AUTS2: variants seen among roughly 807,000 people sequenced by gnomAD.
AUTS2 encodes the protein autism susceptibility gene 2 protein.
A neutral mutation model predicts 112.4 loss-of-function variants in AUTS2; 17 were observed. That is an observed-to-expected ratio of 0.15 (90% CI 0.10 to 0.23). The LOEUF is 0.23. Ranked by LOEUF, AUTS2 falls within the 10% of genes least tolerant of loss-of-function variation. AUTS2 has a pLI of 1.00. For synonymous variants in AUTS2, 751 were observed against 702.7 expected (o/e 1.07, Z -1.09); for missense variants, 1,510 against 1,701.6 (o/e 0.89, Z 1.98).
intron 4 of AUTS2, among the ~76,000 whole-genome samples, chr7:70,230,401 C>T (rs1811985399): frequency 6.6e-6 from 1 of 152,168 alleles, no homozygotes; most frequent in Admixed American, 6.5e-5. Context: ...GCCTAGCTTT[C>T]TAGGGACCAC....
At chr7:70,098,648 A>T (rs912627923) in intron 2 of AUTS2, among the ~76,000 whole-genome samples, 1 of 151,782 alleles carries the variant, frequency 6.6e-6, no homozygotes, top group East Asian at 1.9e-4. Context: ...GTTGTAGACC[A>T]TGTCTTTTTA....
At chr7:70,042,992 G>C (rs574164991) in intron 2 of AUTS2, among the ~76,000 whole-genome samples, 1 of 149,318 alleles carries the variant, frequency 6.7e-6, no homozygotes, top group South Asian at 2.1e-4. Context: ...TAAAAGTAGA[G>C]CTATAAGCAG....
At chr7:70,036,631 G>C (rs563905236) in intron 2 of AUTS2, among the ~76,000 whole-genome samples, 60 of 152,200 alleles carry the variant, frequency 3.9e-4, no homozygotes, top group Non-Finnish European at 8.1e-4. Context: ...AATGCTGTAA[G>C]AGCAGAAATA....
intron 1 of AUTS2, among the ~76,000 whole-genome samples, chr7:69,602,068 G>A (rs199758081): frequency 0.062 from 8,672 of 140,612 alleles, 462 homozygotes; most frequent in African/African-American, 0.12. Context: ...GTGTGTGTGT[G>A]TGTGTGTGTG....
chr7:69,866,764 A>G (rs1743191345), intron 1 of AUTS2, among the ~76,000 whole-genome samples: 1 of 152,172 alleles, frequency 6.6e-6, no homozygotes, highest in African/African-American at 2.4e-5. Flanking sequence ...TTCAACTAGA[A>G]TGTGAGAACT....
intron 5 of AUTS2, among the ~76,000 whole-genome samples, chr7:70,680,378 TA>T (rs1808146770): frequency 6.6e-6 from 1 of 152,182 alleles, no homozygotes; most frequent in African/African-American, 2.4e-5. Flanking sequence ...GGACCTGTTG[TA>T]AAATCCAGGG....
At chr7:70,634,176 G>A (rs1805417668) in intron 5 of AUTS2, among the ~76,000 whole-genome samples, 1 of 152,204 alleles carries the variant, frequency 6.6e-6, no homozygotes, top group South Asian at 2.1e-4. Context: ...AGTAAAATGG[G>A]ATCTGTTGGA....
intron 4 of AUTS2, among the ~76,000 whole-genome samples, chr7:70,401,530 G>C (rs1794326666): frequency 6.6e-6 from 1 of 152,196 alleles, no homozygotes. Context: ...AGCAAGAAGT[G>C]GGCTGTGATA....
intron 2 of AUTS2, among the ~76,000 whole-genome samples, chr7:70,114,695 G>A (rs1182311232): frequency 1.3e-5 from 2 of 152,172 alleles, no homozygotes; most frequent in Admixed American, 1.3e-4. Context: ...CAGCTACTCA[G>A]GAGGCTGAGG....
At chr7:70,153,977 A>C (rs904524116) in intron 4 of AUTS2, among the ~76,000 whole-genome samples, 11 of 152,368 alleles carry the variant, frequency 7.2e-5, no homozygotes, top group African/African-American at 2.2e-4. Context: ...GAATTACTTC[A>C]TTGAACCACT....
rs116262334 is a variant in AUTS2, at chr7:69,699,489, C to A, written c.309+99527C>A. Reference sequence around the variant, plus strand: ...GTAGTTACCAATATATCTTGGAGATCATTCCATCTCACTACAGAGAGAGCT... The same window carrying A: ...GTAGTTACCAATATATCTTGGAGATAATTCCATCTCACTACAGAGAGAGCT... On this transcript the variant is annotated intron_variant, in intron 1 of 18. Coordinates refer to ENST00000342771, the MANE Select transcript of AUTS2 (RefSeq NM_015570.4). Among the ~76,000 whole-genome samples the A allele has an allele frequency of 8.7e-4, 133 of 152,230 alleles. 2 individuals carry two copies. Among genetic ancestry groups the A allele is most frequent in the African/African-American group, 3.2e-3 (131 of 41,546 alleles).
At chr7:70,145,233 A>G (rs1022053853) in intron 4 of AUTS2, among the ~76,000 whole-genome samples, 1 of 152,112 alleles carries the variant, frequency 6.6e-6, no homozygotes, top group African/African-American at 2.4e-5. Context: ...TTGGTTATTT[A>G]TAGATACATC....
chr7:70,316,362 C>G (rs1048521672), intron 4 of AUTS2, among the ~76,000 whole-genome samples: 1 of 151,324 alleles, frequency 6.6e-6, no homozygotes, highest in Non-Finnish European at 1.5e-5. Flanking sequence ...CTCTGTATAC[C>G]TCTCCTTCCA....
chr7:70,393,447 C>CTGGACAA (rs1247501750), intron 4 of AUTS2, among the ~76,000 whole-genome samples: 30 of 152,064 alleles, frequency 2.0e-4, no homozygotes, highest in Admixed American at 3.9e-4. Flanking sequence ...CACAGTATTT[C>CTGGACAA]ACTGGATCTT....
At chr7:70,016,885 C>A (rs1396934953) in intron 2 of AUTS2, among the ~76,000 whole-genome samples, 1 of 152,120 alleles carries the variant, frequency 6.6e-6, no homozygotes, top group South Asian at 2.1e-4. Context: ...CCAGGCTGGT[C>A]TCGAACTCCT....
intron 5 of AUTS2, among the ~76,000 whole-genome samples, chr7:70,643,576 A>G (rs1805976995): frequency 6.6e-6 from 1 of 152,220 alleles, no homozygotes; most frequent in Admixed American, 6.5e-5. Flanking sequence ...TCTAAAAAAA[A>G]TAAAATAAAG....
intron 2 of AUTS2, among the ~76,000 whole-genome samples, chr7:70,085,396 CG>C (rs1346647159): frequency 6.1e-5 from 9 of 147,952 alleles, no homozygotes; most frequent in Non-Finnish European, 1.5e-5. Flanking sequence ...GATGGAGTCT[CG>C]CTCTGTTGCG....
At chr7:70,274,348 A>G (rs1303272807) in intron 4 of AUTS2, among the ~76,000 whole-genome samples, 1 of 151,980 alleles carries the variant, frequency 6.6e-6, no homozygotes, top group African/African-American at 2.4e-5. Flanking sequence ...GCTAGAGTGC[A>G]GTAGTATGAA....
chr7:70,544,623 C>T (rs1442790133), intron 5 of AUTS2, among the ~76,000 whole-genome samples: 2 of 152,170 alleles, frequency 1.3e-5, no homozygotes, highest in African/African-American at 4.8e-5. Context: ...TCACACAGGC[C>T]TGCAGTTAGG....
Sources: allele counts gnomAD v4.1 joint callset (sites outside exome capture counted in the v4.1 genomes callset), GRCh38; gene constraint gnomAD v4.1.1; transcripts MANE v1.5; gene names NCBI Gene and HGNC (gene_info 2026-07-23, HGNC 2026-07-21).